DPP6: variants seen among roughly 807,000 people sequenced by gnomAD.
DPP6 encodes the protein A-type potassium channel modulatory protein DPP6.
DPP6 carries 69 observed loss-of-function variants against 122.6 expected under a neutral mutation model. The ratio of observed to expected loss-of-function variants is 0.56; its 90% CI spans 0.46 to 0.69. The LOEUF is 0.69. DPP6 is among the 30% of genes least tolerant of loss of function. DPP6 has a pLI of 0.00. For missense variants in DPP6, 928 were observed against 1,116.9 expected (o/e 0.83, Z 2.41); for synonymous variants, 418 against 433.1 (o/e 0.97, Z 0.43).
chr7:154,730,691 G>A (rs766398056), intron 8 of DPP6, among the ~76,000 whole-genome samples: 17 of 152,184 alleles, frequency 1.1e-4, no homozygotes, highest in Non-Finnish European at 2.2e-4. Flanking sequence ...AAATTCAAGA[G>A]AGATCAGTGC....
At chr7:154,584,069 C>A (rs1003463880) in intron 5 of DPP6, among the ~76,000 whole-genome samples, 1 of 152,210 alleles carries the variant, frequency 6.6e-6, no homozygotes, top group Non-Finnish European at 1.5e-5. Context: ...ACCACCTCTG[C>A]CTCCAGGGCC....
chr7:153,777,130 G>A, the DPP6 span, among the ~76,000 whole-genome samples: 1 of 152,130 alleles, frequency 6.6e-6, no homozygotes, highest in Non-Finnish European at 1.5e-5. Flanking sequence ...CACATGCAAA[G>A]ATTCTCAATA....
chr7:154,081,848 G>C lies in DPP6; in HGVS notation c.243+28785G>C, dbSNP rs567330626. 3.3e-5 allele frequency among the ~76,000 whole-genome samples: 5 copies of C among 152,162 alleles called. No individual in the cohort carries two copies. The East Asian group carries it at 9.7e-4, about 29-fold the overall frequency. On this transcript the variant is annotated intron_variant, in intron 1 of 25. Coordinates refer to ENST00000377770, the MANE Select transcript of DPP6 (RefSeq NM_130797.4). ...ACAGCTCTTGACGTTAGCAAATAAG[G>C]TTGTATGTTATGGATCCTGTGGCAA...
At chr7:154,439,831 C>T (rs1336331957) in intron 1 of DPP6, among the ~76,000 whole-genome samples, 9 of 152,178 alleles carry the variant, frequency 5.9e-5, no homozygotes, top group Admixed American at 5.9e-4. Flanking sequence ...AACATCAAGT[C>T]ATGTTATGTA....
At chr7:153,831,135 A>G in the DPP6 span, among the ~76,000 whole-genome samples, 38 of 152,226 alleles carry the variant, frequency 2.5e-4, no homozygotes, top group Non-Finnish European at 1.5e-5. Context: ...TTACTATGTA[A>G]TATGTGACTA....
Position 154,313,685 on chromosome 7 carries a change from G to GTGTGTGTGTGTGTA in DPP6, c.244-132528_244-132527insGTGTGTGTGTGTAT. ...AAGCAACAAGATATTTTAAGATATG[G>GTGTGTGTGTGTGTA]TATATATATATATATATATATATAT... On this transcript the variant is annotated intron_variant, in intron 1 of 25. Coordinates refer to ENST00000377770, the MANE Select transcript of DPP6 (RefSeq NM_130797.4). 3.3e-3 allele frequency among the ~76,000 whole-genome samples: 68 copies of GTGTGTGTGTGTGTA among 20,450 alleles called. 1 individual carries two copies. Among genetic ancestry groups the GTGTGTGTGTGTGTA allele is most frequent in the African/African-American group, 7.4e-3 (58 of 7,868 alleles). The allele number at this position is 20,450 out of a possible 152,430, so 13.4% of individuals were successfully genotyped here. A position where few individuals can be genotyped will look rare whatever the true frequency, so the allele number is the denominator to read the frequency against.
the DPP6 span, among the ~76,000 whole-genome samples, chr7:153,831,525 C>T: frequency 2.6e-4 from 39 of 152,228 alleles, no homozygotes; most frequent in Admixed American, 4.6e-4. Flanking sequence ...ACATAGTTGA[C>T]GATTTTGGAT....
At position 154,349,441 on chromosome 7, in the gene DPP6, G is replaced by A. The variant is rs145408946; in HGVS notation, c.244-96773G>A. Among the ~76,000 whole-genome samples the A allele has an allele frequency of 3.3e-3, 499 of 152,356 alleles. 3 individuals carry two copies. The highest frequency in any genetic ancestry group is 0.012 in the African/African-American group (488 of 41,582). On this transcript the variant is annotated intron_variant, in intron 1 of 25. Coordinates refer to ENST00000377770, the MANE Select transcript of DPP6 (RefSeq NM_130797.4). ...TCCACCTGCCTTGGCCTCCCAAAAT[G>A]CTGGGATTACAGGCATGAGCCAACA...
intron 1 of DPP6, among the ~76,000 whole-genome samples, chr7:154,013,550 A>G (rs1324775180): frequency 2.0e-5 from 3 of 150,944 alleles, no homozygotes; most frequent in South Asian, 2.1e-4. Flanking sequence ...AGGAAAATCT[A>G]TTTGTGTTTA....
intron 1 of DPP6, among the ~76,000 whole-genome samples, chr7:153,899,563 T>C (rs1456391955): frequency 6.6e-6 from 1 of 152,260 alleles, no homozygotes; most frequent in Non-Finnish European, 1.5e-5. Flanking sequence ...CTTGAAAAAC[T>C]GATCTATCTT....
intron 20 of DPP6, 141 bp downstream of exon 20, chr7:154,876,241 G>A: frequency 2.3e-6 from 3 of 1,305,662 alleles, no homozygotes. Flanking sequence ...AAATCTCTTG[G>A]CCATTCCAAA....
At chr7:154,326,034 A>G (rs962865120) in intron 1 of DPP6, among the ~76,000 whole-genome samples, 4 of 152,228 alleles carry the variant, frequency 2.6e-5, no homozygotes, top group Admixed American at 2.6e-4. Flanking sequence ...GTACTTCTTT[A>G]GTGAAGGCTA....
intron 13 of DPP6, among the ~76,000 whole-genome samples, chr7:154,802,597 G>A (rs951467703): frequency 1.3e-4 from 20 of 152,240 alleles, no homozygotes; most frequent in African/African-American, 4.6e-4. Context: ...GGTGGCTCAC[G>A]CCTGTAATCC....
intron 1 of DPP6, among the ~76,000 whole-genome samples, chr7:153,975,252 AAT>A (rs768658329): frequency 0.3 from 12,830 of 42,558 alleles, 779 homozygotes; most frequent in South Asian, 0.48. Context: ...AAAAAAAAAA[AAT>A]TATTTCACTT....
chr7:154,484,946 C>T (rs1823654741), intron 3 of DPP6, among the ~76,000 whole-genome samples: 1 of 147,160 alleles, frequency 6.8e-6, no homozygotes. Context: ...TTTTGTTATG[C>T]TGAAAAAACA....
intron 3 of DPP6, among the ~76,000 whole-genome samples, chr7:154,508,813 G>C (rs753429047): frequency 6.6e-6 from 1 of 152,172 alleles, no homozygotes; most frequent in South Asian, 2.1e-4. Context: ...CTATGTTATG[G>C]AGTAAAGTTG....
At chr7:154,504,678 A>C (rs1825532980) in intron 3 of DPP6, among the ~76,000 whole-genome samples, 1 of 152,176 alleles carries the variant, frequency 6.6e-6, no homozygotes, top group South Asian at 2.1e-4. Flanking sequence ...ATGCAAATTA[A>C]ATACTGCCTC....
At chr7:154,313,685 G>GTGTATA in intron 1 of DPP6, among the ~76,000 whole-genome samples, 385 of 20,314 alleles carry the variant, frequency 0.019, 9 homozygotes, top group Non-Finnish European at 0.028. Context: ...TTAAGATATG[G>GTGTATA]TATATATATA....
chr7:154,443,459 A>T (rs1462237703), intron 1 of DPP6, among the ~76,000 whole-genome samples: 1 of 152,002 alleles, frequency 6.6e-6, no homozygotes, highest in Non-Finnish European at 1.5e-5. Context: ...TGGCATAGTA[A>T]GCCCTAGATA....
Sources: allele counts gnomAD v4.1 joint callset (sites outside exome capture counted in the v4.1 genomes callset), GRCh38; gene constraint gnomAD v4.1.1; transcripts MANE v1.5; gene names NCBI Gene and HGNC (gene_info 2026-07-23, HGNC 2026-07-21).